The following ZFAND5 variants were observed in gnomAD, a reference collection of about 807,000 sequenced individuals.
ZFAND5 encodes AN1-type zinc finger protein 5.
A neutral mutation model predicts 23.6 loss-of-function variants in ZFAND5; 4 were observed. The ratio of observed to expected loss-of-function variants is 0.17; its 90% CI spans 0.08 to 0.39. ZFAND5 has a LOEUF of 0.39. Among genes scored for constraint, ZFAND5 ranks in the 10% least tolerant of loss-of-function variants. ZFAND5 has a pLI of 1.00. For synonymous variants in ZFAND5, 68 were observed against 80.6 expected (o/e 0.84, Z 0.84); for missense variants, 161 against 253.7 (o/e 0.63, Z 2.48).
chr9:72,356,230 T>C (rs1841938077), intron 6 of ZFAND5, 129 bp from the exon 7 acceptor site: 2 of 1,139,018 alleles, frequency 1.8e-6, no homozygotes, highest in South Asian at 3.5e-5. Flanking sequence ...AACTCTTTTC[T>C]TCCACTTCCT....
chr9:72,360,326 A>G, intron 3 of ZFAND5, 105 bp from the exon 4 acceptor site: 1 of 1,006,076 alleles, frequency 9.9e-7, no homozygotes, highest in Non-Finnish European at 1.5e-6. Flanking sequence ...TAGTGATATA[A>G]GCATTCACTG....
intron 6 of ZFAND5, 41 bp from the exon 7 acceptor site, chr9:72,356,142 C>A (rs1444558375): frequency 3.8e-6 from 6 of 1,571,328 alleles, no homozygotes; most frequent in Admixed American, 4.3e-5. Context: ...GAACTTGAGG[C>A]AATTAAAAGA....
chr9:72,358,379 G>A (rs1229078625), intron 5 of ZFAND5, among the ~76,000 whole-genome samples: 1 of 152,012 alleles, frequency 6.6e-6, no homozygotes, highest in East Asian at 1.9e-4. Context: ...TGAGACAAGG[G>A]AAGAAGGGGG....
At chr9:72,361,768 A>T (rs2131983983) in intron 2 of ZFAND5, among the ~76,000 whole-genome samples, 1 of 152,376 alleles carries the variant, frequency 6.6e-6, no homozygotes, top group Middle Eastern at 3.4e-3. Flanking sequence ...ATGAGAAAAT[A>T]CATATTAAAG....
rs776441068 is a variant in ZFAND5 at position 72,359,524 on chromosome 9, A to AT, written c.264-4dup. The AT allele has an allele frequency of 3.1e-6, 5 of 1,613,074 alleles. No individual in the cohort carries two copies. The African/African-American group carries it at 6.7e-5, about 22-fold the overall frequency. ...GCAAGGCAGCCACAGGCACATTTCT[A>AT]TTTGAGTTCAAGCAAACAATTTTTA... is the stretch of plus-strand genomic sequence containing the variant. On this transcript the variant is annotated splice_polypyrimidine_tract_variant and splice_region_variant and intron_variant, in intron 4 of 6. Coordinates refer to ENST00000376962, the MANE Select transcript of ZFAND5 (RefSeq NM_001102420.3).
rs1226173030 is a variant in ZFAND5, at chr9:72,354,242, T to C, written c.*1711A>G. 1 of 152,218 alleles carries C rather than the reference T, an allele frequency of 6.6e-6. No individual in the cohort carries two copies. The highest frequency in any genetic ancestry group is 1.5e-5 in the Non-Finnish European group (1 of 68,034). 9.4% of individuals were successfully genotyped at this position (152,218 alleles called of 1,614,324 possible). On this transcript the variant is annotated 3_prime_UTR_variant, in exon 7 of 7. Coordinates refer to ENST00000376962, the MANE Select transcript of ZFAND5 (RefSeq NM_001102420.3). ...ATTTCATCTTTCTCAAATTTTAAAA[T>C]TGTTTTAATCCCAAAGGTGCCTATT...
Position 72,352,996 on chromosome 9 carries a change from G to A in ZFAND5, c.*2957C>T, listed in dbSNP as rs1181101976. On this transcript the variant is annotated 3_prime_UTR_variant, in exon 7 of 7. Coordinates refer to ENST00000376962, the MANE Select transcript of ZFAND5 (RefSeq NM_001102420.3). ...ACAAACTAATTTTCCCCACGTTGTG[G>A]GAAGCCTACCTAGGATCAAACCTGA... The A allele has an allele frequency of 6.6e-6, 1 of 152,148 alleles. No individual in the cohort carries two copies. The highest frequency in any genetic ancestry group is 1.5e-5 in the Non-Finnish European group (1 of 68,034). 9.4% of individuals were successfully genotyped at this position (152,148 alleles called of 1,614,324 possible).
In ZFAND5 at chr9:72,355,275, T is replaced by C. The variant is rs894886487; in HGVS notation, c.*678A>G. 2.0e-5 allele frequency: 3 copies of C among 152,670 alleles called. No individual in the cohort carries two copies. The highest frequency in any genetic ancestry group is 2.9e-5 in the Non-Finnish European group (2 of 68,044). The allele number at this position is 152,670 out of a possible 1,614,324, so 9.5% of individuals were successfully genotyped here. On this transcript the variant is annotated 3_prime_UTR_variant, in exon 7 of 7. Coordinates refer to ENST00000376962, the MANE Select transcript of ZFAND5 (RefSeq NM_001102420.3). The stretch of plus-strand genomic sequence containing the variant: ...GCAGACATCTTCTGGTGCAGGCCAG[T>C]ACAATAAGCTTCAAAGGTTATCTCA...
chr9:72,359,900 G>C (rs1446360450), intron 4 of ZFAND5, among the ~76,000 whole-genome samples: 1 of 152,162 alleles, frequency 6.6e-6, no homozygotes, highest in Non-Finnish European at 1.5e-5. Context: ...AAAAAGCACA[G>C]CATTTCCAAC....
rs1017471794 is a variant in ZFAND5 at position 72,364,523 on chromosome 9, C to T, written c.-147+173G>A. The T allele has an allele frequency of 6.3e-6, 8 of 1,279,320 alleles. No individual in the cohort carries two copies. The African/African-American group carries it at 1.3e-4, about 20-fold the overall frequency. 79.2% of individuals were successfully genotyped at this position (1,279,320 alleles called of 1,614,324 possible). On this transcript the variant is annotated intron_variant, in intron 1 of 6. Coordinates refer to ENST00000376962, the MANE Select transcript of ZFAND5 (RefSeq NM_001102420.3). ...GTCTCGGGCCACGACGACAGGATGA[C>T]GCCTCCGTCTTTGTGCTTCCTGGGC... is the stretch of plus-strand genomic sequence containing the variant.
In ZFAND5 at chr9:72,355,181, T is replaced by C. The variant is rs1419824424; in HGVS notation, c.*772A>G. ...GTATGTGAAAACCAAACGTAGAGTTTAAATTTCTTCTTGTAAACAAATTAA... is the reference window on the plus strand; with the variant it reads ...GTATGTGAAAACCAAACGTAGAGTTCAAATTTCTTCTTGTAAACAAATTAA... On this transcript the variant is annotated 3_prime_UTR_variant, in exon 7 of 7. Coordinates refer to ENST00000376962, the MANE Select transcript of ZFAND5 (RefSeq NM_001102420.3). 6.5e-6 allele frequency: 1 copy of C among 152,682 alleles called. No individual in the cohort carries two copies. Among genetic ancestry groups the C allele is most frequent in the Non-Finnish European group, 1.5e-5 (1 of 68,038 alleles). The allele number at this position is 152,682 out of a possible 1,614,324, so 9.5% of individuals were successfully genotyped here. A position where few individuals can be genotyped will look rare whatever the true frequency, so the allele number is the denominator to read the frequency against.
At chr9:72,357,636 G>T (rs1289198193) in intron 5 of ZFAND5, among the ~76,000 whole-genome samples, 1 of 152,058 alleles carries the variant, frequency 6.6e-6, no homozygotes, top group African/African-American at 2.4e-5. Flanking sequence ...AACATCATAG[G>T]AAGACTTGAA....
chr9:72,355,764 G>C lies in ZFAND5; in HGVS notation c.*189C>G. 2.0e-6 allele frequency: 1 copy of C among 509,742 alleles called. No homozygotes were observed. Among genetic ancestry groups the C allele is most frequent in the East Asian group, 3.3e-5 (1 of 29,980 alleles). The allele number at this position is 509,742 out of a possible 1,614,324, so 31.6% of individuals were successfully genotyped here. ...TCAGGGGAGGGCATATACATTTGTA[G>C]GGCTGTATCTATCCAATTCTGCCTG... On this transcript the variant is annotated 3_prime_UTR_variant, in exon 7 of 7. Coordinates refer to ENST00000376962, the MANE Select transcript of ZFAND5 (RefSeq NM_001102420.3).
chr9:72,351,589 ACT>A lies in ZFAND5; in HGVS notation c.*4362_*4363del, dbSNP rs1841771976. On this transcript the variant is annotated 3_prime_UTR_variant, in exon 7 of 7. Transcript: ENST00000376962. Reference sequence around the variant, plus strand: ...AAATGGCACTTTTGTATTCTGTTGTACTTTTTTTTTTTTTTTTACATTTGCTA... The same window carrying A: ...AAATGGCACTTTTGTATTCTGTTGTATTTTTTTTTTTTTTTACATTTGCTA... The A allele has an allele frequency of 3.5e-5, 3 of 85,404 alleles. No homozygotes were observed. Among genetic ancestry groups the A allele is most frequent in the African/African-American group, 8.9e-5 (3 of 33,640 alleles). 5.3% of individuals were successfully genotyped at this position (85,404 alleles called of 1,614,324 possible).
chr9:72,360,941 T>C (rs1842078152), intron 2 of ZFAND5, among the ~76,000 whole-genome samples, 154 bp from the exon 3 acceptor site: 1 of 152,192 alleles, frequency 6.6e-6, no homozygotes, highest in Non-Finnish European at 1.5e-5. Flanking sequence ...ATTATCAATA[T>C]TTTGTTGCCT....
In ZFAND5 at chr9:72,351,620, G is replaced by A. The variant is rs1004987130; in HGVS notation, c.*4333C>T. On this transcript the variant is annotated 3_prime_UTR_variant, in exon 7 of 7. Coordinates refer to ENST00000376962, the MANE Select transcript of ZFAND5 (RefSeq NM_001102420.3). ...TTTTTTTTTTTTACATTTGCTACAC[G>A]GTATTTATTCAATGACTGTATATTT... The A allele has an allele frequency of 1.4e-5, 2 of 144,722 alleles. No individual in the cohort carries two copies. The highest frequency in any genetic ancestry group is 1.5e-5 in the Non-Finnish European group (1 of 66,550). 9.0% of individuals were successfully genotyped at this position (144,722 alleles called of 1,614,324 possible). A position where few individuals can be genotyped will look rare whatever the true frequency, so the allele number is the denominator to read the frequency against.
chr9:72,354,784 T>A lies in ZFAND5; in HGVS notation c.*1169A>T, dbSNP rs1245219766. ...TCATACATCACAAAAAACCTTCCAT[T>A]ATAACACAGAAGTGATTATTACCAG... On this transcript the variant is annotated 3_prime_UTR_variant, in exon 7 of 7. Transcript: ENST00000376962. The A allele has an allele frequency of 6.6e-6, 1 of 152,640 alleles. No homozygotes were observed. The highest frequency in any genetic ancestry group is 2.4e-5 in the African/African-American group (1 of 41,464). The allele number at this position is 152,640 out of a possible 1,614,324, so 9.5% of individuals were successfully genotyped here. A position where few individuals can be genotyped will look rare whatever the true frequency, so the allele number is the denominator to read the frequency against.
At chr9:72,360,024 T>TC in intron 4 of ZFAND5, 86 bp downstream of exon 4, 2 of 1,109,716 alleles carry the variant, frequency 1.8e-6, no homozygotes, top group Non-Finnish European at 1.3e-6. Context: ...AAGCCAAGGG[T>TC]ATCTATTAAC....
At chr9:72,356,266 C>T (rs1412857201) in intron 6 of ZFAND5, among the ~76,000 whole-genome samples, 165 bp from the exon 7 acceptor site, 1 of 152,204 alleles carries the variant, frequency 6.6e-6, no homozygotes, top group African/African-American at 2.4e-5. Flanking sequence ...TCAACTCTTA[C>T]AGAGTCTATC....
Sources: gnomAD v4.1 joint callset for allele counts (sites outside exome capture counted in the v4.1 genomes callset) on GRCh38, gnomAD v4.1.1 for gene constraint, MANE v1.5 for transcripts, NCBI Gene and HGNC (gene_info 2026-07-23, HGNC 2026-07-21) for gene names.